The following ELMOD1 variants were observed in gnomAD, a reference collection of about 807,000 sequenced individuals.
ELMOD1 encodes the protein ELMO domain-containing protein 1.
Under a neutral mutation model 46.7 loss-of-function variants are expected in ELMOD1, and 21 were observed. The ratio of observed to expected loss-of-function variants is 0.45; its 90% CI spans 0.32 to 0.65. The LOEUF (loss-of-function observed/expected upper bound fraction) is 0.65, where lower values mean the gene tolerates loss of function less well. Ranked by LOEUF, ELMOD1 falls within the 30% of genes least tolerant of loss-of-function variation. The pLI, the probability that ELMOD1 is intolerant of heterozygous loss-of-function variation, is 0.04. For synonymous variants in ELMOD1, 122 were observed against 138.2 expected, an observed-to-expected ratio of 0.88 and a Z score of 0.82; for missense variants, 348 against 407.8, an observed-to-expected ratio of 0.85 and a Z score of 1.26.
intron 1 of ELMOD1, among the ~76,000 whole-genome samples, chr11:107,610,492 C>T (rs754130667): frequency 6.6e-6 from 1 of 151,646 alleles, no homozygotes; most frequent in African/African-American, 2.4e-5. Context: ...GTCAAAACCC[C>T]GTCTGTACTA....
intron 11 of ELMOD1, among the ~76,000 whole-genome samples, chr11:107,657,127 T>C (rs1297597144): frequency 6.6e-6 from 1 of 152,164 alleles, no homozygotes; most frequent in Non-Finnish European, 1.5e-5. Flanking sequence ...TTGTGAAATT[T>C]AATGATACTG....
chr11:107,649,867 C>T (rs1262148433), intron 7 of ELMOD1, among the ~76,000 whole-genome samples: 1 of 152,122 alleles, frequency 6.6e-6, no homozygotes, highest in Non-Finnish European at 1.5e-5. Context: ...CATATCTATG[C>T]TCAGTAAGAT....
At chr11:107,616,244 C>T (rs1865861346) in intron 1 of ELMOD1, among the ~76,000 whole-genome samples, 1 of 152,056 alleles carries the variant, frequency 6.6e-6, no homozygotes, top group Non-Finnish European at 1.5e-5. Context: ...GATCTGCCTG[C>T]CTCCACCTTC....
chr11:107,653,661 TTTC>T (rs1367847484), intron 9 of ELMOD1: 5 of 151,180 alleles, frequency 3.3e-5, no homozygotes, highest in Admixed American at 1.3e-4. Flanking sequence ...CCCTCCTTCC[TTTC>T]TTCTTTTCTT....
chr11:107,606,475 C>T (rs1865686396), intron 1 of ELMOD1, among the ~76,000 whole-genome samples: 1 of 152,210 alleles, frequency 6.6e-6, no homozygotes, highest in Non-Finnish European at 1.5e-5. Flanking sequence ...CATCCACAGA[C>T]ATGCATATGT....
intron 2 of ELMOD1, among the ~76,000 whole-genome samples, chr11:107,625,951 C>A (rs552010201): frequency 7.6e-4 from 116 of 152,194 alleles, no homozygotes; most frequent in Non-Finnish European, 1.3e-3. Context: ...GGAACACTAT[C>A]AAAAAGCTGT....
intron 1 of ELMOD1, among the ~76,000 whole-genome samples, chr11:107,613,494 CT>C (rs1865813111): frequency 6.6e-6 from 1 of 152,138 alleles, no homozygotes; most frequent in African/African-American, 2.4e-5. Context: ...TAGGAAGGCT[CT>C]TTTACTGTAT....
intron 2 of ELMOD1, among the ~76,000 whole-genome samples, chr11:107,622,616 T>C (rs1221206841): frequency 1.3e-5 from 2 of 152,238 alleles, no homozygotes; most frequent in Non-Finnish European, 2.9e-5. Context: ...TTGAGGCAAA[T>C]TCGGGCTAGA....
intron 1 of ELMOD1, among the ~76,000 whole-genome samples, chr11:107,596,365 A>G (rs1477759021): frequency 2.0e-5 from 3 of 152,220 alleles, no homozygotes; most frequent in Admixed American, 6.5e-5. Flanking sequence ...GGCATTATCA[A>G]TATTTAAAAT....
At chr11:107,633,211 C>G (rs1866170910) in intron 5 of ELMOD1, among the ~76,000 whole-genome samples, 1 of 152,066 alleles carries the variant, frequency 6.6e-6, no homozygotes, top group African/African-American at 2.4e-5. Flanking sequence ...TTTAAATCTC[C>G]ATGTGGATTC....
Position 107,593,404 on chromosome 11 carries a change from A to T in ELMOD1, c.-86+1995A>T, listed in dbSNP as rs573587250. Among the ~76,000 whole-genome samples the T allele has an allele frequency of 2.0e-5, 3 of 152,362 alleles. No homozygotes were observed. In the South Asian group the frequency reaches 6.2e-4, roughly 32 times the overall value. The stretch of plus-strand genomic sequence containing the variant: ...CTTTGTAAAATCTTCGATAAATTGT[A>T]TTATAAGAAAAATTCTATGAAATGG... On this transcript the variant is annotated intron_variant, in intron 1 of 11. Transcript: ENST00000265840.
At chr11:107,622,673 A>G (rs1264516423) in intron 2 of ELMOD1, among the ~76,000 whole-genome samples, 1 of 152,232 alleles carries the variant, frequency 6.6e-6, no homozygotes, top group Non-Finnish European at 1.5e-5. Context: ...TTTATTCAGC[A>G]TGACCCACTT....
At chr11:107,607,165 G>A (rs954771662) in intron 1 of ELMOD1, among the ~76,000 whole-genome samples, 2 of 152,310 alleles carry the variant, frequency 1.3e-5, no homozygotes, top group East Asian at 3.9e-4. Flanking sequence ...ATCTCCACTT[G>A]ATGGGCTGAT....
chr11:107,631,813 T>C, intron 5 of ELMOD1, 136 bp downstream of exon 5: 1 of 514,782 alleles, frequency 1.9e-6, no homozygotes, highest in East Asian at 3.3e-5. Flanking sequence ...GACTTTCAGA[T>C]GAGGAATAAA....
At chr11:107,635,829 A>G in intron 6 of ELMOD1, 64 bp downstream of exon 6, 3 of 1,536,104 alleles carry the variant, frequency 2.0e-6, no homozygotes, top group South Asian at 2.4e-5. Context: ...GGCACCTGCT[A>G]TGTGCTAGGC....
intron 5 of ELMOD1, among the ~76,000 whole-genome samples, chr11:107,634,094 C>G (rs1187606831): frequency 6.6e-6 from 1 of 152,056 alleles, no homozygotes; most frequent in African/African-American, 2.4e-5. Flanking sequence ...ATTATAATGA[C>G]CACCACCACA....
chr11:107,652,045 C>T (rs556095863), intron 9 of ELMOD1, among the ~76,000 whole-genome samples: 15 of 152,272 alleles, frequency 9.9e-5, no homozygotes, highest in African/African-American at 3.1e-4. Context: ...AATTACCACG[C>T]TTTATCCCTC....
chr11:107,660,154 C>A (rs1316268930), intron 11 of ELMOD1, among the ~76,000 whole-genome samples: 1 of 152,152 alleles, frequency 6.6e-6, no homozygotes, highest in Non-Finnish European at 1.5e-5. Flanking sequence ...GTGTAATATT[C>A]TTGCAATTAC....
At chr11:107,646,943 A>AATCTATCT (rs10536920) in intron 6 of ELMOD1, among the ~76,000 whole-genome samples, 6,374 of 148,028 alleles carry the variant, frequency 0.043, 144 homozygotes, top group Admixed American at 0.051. Flanking sequence ...TTATCTATCT[A>AATCTATCT]ATCTATCTAT....
Sources: gnomAD v4.1 joint callset for allele counts (sites outside exome capture counted in the v4.1 genomes callset) on GRCh38, gnomAD v4.1.1 for gene constraint, MANE v1.5 for transcripts, NCBI Gene and HGNC (gene_info 2026-07-23, HGNC 2026-07-21) for gene names.